Variants in RBFOX1 observed in about 807,000 individuals in gnomAD.
RBFOX1 encodes the protein RNA binding fox-1 homolog 1.
In RBFOX1, 8 loss-of-function variants were observed where a neutral mutation model predicts 57.7. The observed-to-expected ratio is 0.14, with a 90% CI of 0.08 to 0.25. The LOEUF (loss-of-function observed/expected upper bound fraction) is 0.25. RBFOX1 is among the 10% of genes least tolerant of loss of function. The probability of loss-of-function intolerance (pLI) is 1.00; values close to 1 mark genes in which losing one functional copy is unlikely to be tolerated. For synonymous variants in RBFOX1, 326 were observed against 222.4 expected, an observed-to-expected ratio of 1.47 and a Z score of -4.15; for missense variants, 611 against 548.5, an observed-to-expected ratio of 1.11 and a Z score of -1.14.
chr16:6,574,591 G>C (rs1300383223), intron 2 of RBFOX1, among the ~76,000 whole-genome samples: 6 of 150,174 alleles, frequency 4.0e-5, no homozygotes, highest in African/African-American at 1.5e-4. Flanking sequence ...ACCAAGCCCA[G>C]CTAATTTTTT....
At chr16:7,583,199 A>G (rs2152862523) in intron 6 of RBFOX1, among the ~76,000 whole-genome samples, 1 of 148,850 alleles carries the variant, frequency 6.7e-6, no homozygotes, top group Non-Finnish European at 1.5e-5. Context: ...TGGGCAAGAT[A>G]TATGGCTACA....
At chr16:6,399,401 A>G (rs2092975593) in intron 2 of RBFOX1, among the ~76,000 whole-genome samples, 1 of 152,218 alleles carries the variant, frequency 6.6e-6, no homozygotes, top group Non-Finnish European at 1.5e-5. Context: ...TCAAGGTCAA[A>G]GTTCCACTGA....
intron 3 of RBFOX1, among the ~76,000 whole-genome samples, chr16:6,992,425 C>T (rs1284295699): frequency 6.6e-6 from 1 of 152,144 alleles, no homozygotes; most frequent in East Asian, 1.9e-4. Flanking sequence ...ACCATGTTGG[C>T]CAGGCTGGTC....
Position 5,666,916 on chromosome 16 carries a change from T to G in RBFOX1, c.318+67955T>G, listed in dbSNP as rs534625458. Among the ~76,000 whole-genome samples the G allele has an allele frequency of 2.7e-4, 41 of 152,314 alleles. No homozygotes were observed. The South Asian group carries it at 8.3e-3, about 31-fold the overall frequency. ...ATTAAGTATATCTCTGCTTTGTGGA[T>G]TGCCCTGTGTGTTTCATTCTATCTG... On this transcript the variant is annotated intron_variant, in intron 3 of 19. Transcript: ENST00000641259.
intron 3 of RBFOX1, among the ~76,000 whole-genome samples, chr16:5,699,425 A>G (rs919113135): frequency 4.2e-5 from 5 of 117,856 alleles, no homozygotes; most frequent in African/African-American, 1.3e-4. Flanking sequence ...TATTTCTTCT[A>G]TGTTCTACAC....
intron 3 of RBFOX1, among the ~76,000 whole-genome samples, chr16:5,694,361 G>C (rs977772615): frequency 6.6e-6 from 1 of 152,138 alleles, no homozygotes; most frequent in Non-Finnish European, 1.5e-5. Flanking sequence ...AGGATTTTCA[G>C]GTTTTCTGCC....
intron 3 of RBFOX1, among the ~76,000 whole-genome samples, chr16:5,788,100 T>A (rs1439870018): frequency 1.3e-5 from 2 of 152,176 alleles, no homozygotes; most frequent in East Asian, 3.9e-4. Context: ...CCCTTCTTCC[T>A]AGGCGGAGAT....
At chr16:6,873,715 T>C (rs764055190) in intron 3 of RBFOX1, among the ~76,000 whole-genome samples, 2 of 152,168 alleles carry the variant, frequency 1.3e-5, no homozygotes, top group Admixed American at 6.5e-5. Context: ...GTCACTATCA[T>C]CCTCTCATTG....
In RBFOX1 at chr16:6,091,263, A is replaced by G. The variant is rs151323415; in HGVS notation, c.-127+71271A>G. Among the ~76,000 whole-genome samples, 6 of 152,184 alleles carry G rather than the reference A, an allele frequency of 3.9e-5. No individual in the cohort carries two copies. The East Asian group carries it at 7.7e-4, about 20-fold the overall frequency. On this transcript the variant is annotated intron_variant, in intron 1 of 15. Transcript: ENST00000550418. ...ACCATAACCCTATTCTCTTACATCT[A>G]TGATACCCACTTATGAACTCCTTTC...
chr16:6,482,407 C>T (rs143302744), intron 2 of RBFOX1, among the ~76,000 whole-genome samples: 228 of 152,316 alleles, frequency 1.5e-3, no homozygotes, highest in Middle Eastern at 6.8e-3. Context: ...CTACCAAAAT[C>T]AGCACTTAAG....
chr16:7,460,165 T>A lies in RBFOX1; in HGVS notation c.28-57982T>A, dbSNP rs542368014. On this transcript the variant is annotated intron_variant, in intron 4 of 15. Coordinates refer to ENST00000550418, the MANE Select transcript of RBFOX1 (RefSeq NM_018723.4). ...GTCTGATTGTATTTGCTTATCCTCT[T>A]AGGCTGTCATTCCTCCTGTTTCTAT... Among the ~76,000 whole-genome samples the A allele has an allele frequency of 2.0e-5, 3 of 151,854 alleles. No homozygotes were observed. The South Asian group carries it at 6.2e-4, about 32-fold the overall frequency.
Position 6,724,653 on chromosome 16 carries a change from C to G in RBFOX1, c.-16+70003C>G, listed in dbSNP as rs558210653. Reference sequence around the variant, plus strand: ...CCCAGTCTGTGGAATTTTGTTATAGCAGCCCGAATAGACTAAGACTGCCTC... The same window carrying G: ...CCCAGTCTGTGGAATTTTGTTATAGGAGCCCGAATAGACTAAGACTGCCTC... On this transcript the variant is annotated intron_variant, in intron 3 of 15. Transcript: ENST00000550418. 9.2e-5 allele frequency among the ~76,000 whole-genome samples: 14 copies of G among 152,300 alleles called. 1 individual carries two copies. Among genetic ancestry groups the G allele is most frequent in the Middle Eastern group, 3.4e-3 (1 of 294 alleles).
chr16:6,801,368 G>A (rs2085399944), intron 3 of RBFOX1, among the ~76,000 whole-genome samples: 2 of 152,158 alleles, frequency 1.3e-5, no homozygotes, highest in South Asian at 2.1e-4. Flanking sequence ...TATTTAAGGT[G>A]TAATTGCATC....
At chr16:7,271,013 C>T (rs1237836499) in intron 4 of RBFOX1, among the ~76,000 whole-genome samples, 1 of 152,060 alleles carries the variant, frequency 6.6e-6, no homozygotes, top group East Asian at 1.9e-4. Context: ...TCTTTATTAG[C>T]CCTGCTTAAA....
intron 2 of RBFOX1, among the ~76,000 whole-genome samples, chr16:5,569,244 G>C (rs1240726003): frequency 1.3e-5 from 2 of 151,880 alleles, no homozygotes; most frequent in Non-Finnish European, 2.9e-5. Flanking sequence ...CCAAGGGACT[G>C]ACCAACCCCG....
intron 2 of RBFOX1, among the ~76,000 whole-genome samples, chr16:6,507,358 A>G (rs1435117923): frequency 6.6e-6 from 1 of 152,168 alleles, no homozygotes; most frequent in Non-Finnish European, 1.5e-5. Flanking sequence ...TATACCATGG[A>G]ATATTATTCA....
At chr16:5,535,228 A>G (rs1026207501) in intron 2 of RBFOX1, among the ~76,000 whole-genome samples, 1 of 152,344 alleles carries the variant, frequency 6.6e-6, no homozygotes, top group Middle Eastern at 3.4e-3. Context: ...ACGTGTGGCT[A>G]GTGTTTACTG....
chr16:6,880,328 G>C (rs995503323), intron 3 of RBFOX1, among the ~76,000 whole-genome samples: 1 of 152,180 alleles, frequency 6.6e-6, no homozygotes, highest in African/African-American at 2.4e-5. Context: ...GACAGCCTCT[G>C]TTGTTCCTGA....
chr16:6,866,055 A>G (rs2059857836), intron 3 of RBFOX1, among the ~76,000 whole-genome samples: 3 of 152,186 alleles, frequency 2.0e-5, no homozygotes, highest in Admixed American at 6.5e-5. Flanking sequence ...AAAAGAGTAA[A>G]TCAGGATTGA....
Sources: allele counts gnomAD v4.1 joint callset (sites outside exome capture counted in the v4.1 genomes callset), GRCh38; gene constraint gnomAD v4.1.1; transcripts MANE v1.5; gene names NCBI Gene and HGNC (gene_info 2026-07-23, HGNC 2026-07-21).